TYW1B: variants seen among roughly 807,000 people sequenced by gnomAD.
TYW1B encodes the protein tRNA-yW synthesizing protein 1 homolog B.
TYW1B carries 73 observed loss-of-function variants against 86.9 expected under a neutral mutation model. The observed-to-expected ratio is 0.84, with a 90% CI of 0.70 to 1.02. The LOEUF (loss-of-function observed/expected upper bound fraction) is 1.02. Among genes scored for constraint, TYW1B ranks in the 50% least tolerant of loss-of-function variants. The pLI, the probability that TYW1B is intolerant of heterozygous loss-of-function variation, is 0.00. For missense variants in TYW1B, 637 were observed against 827.4 expected, an observed-to-expected ratio of 0.77 and a Z score of 2.82; for synonymous variants, 248 against 292.8, an observed-to-expected ratio of 0.85 and a Z score of 1.56.
At chr7:72,691,616 A>G (rs1354060248) in intron 11 of TYW1B, among the ~76,000 whole-genome samples, 2 of 152,138 alleles carry the variant, frequency 1.3e-5, no homozygotes, top group Non-Finnish European at 2.9e-5. Flanking sequence ...TCCATACTCA[A>G]AGAACACAGC....
intron 10 of TYW1B, among the ~76,000 whole-genome samples, chr7:72,710,555 G>A (rs1786633270): frequency 6.6e-6 from 1 of 152,148 alleles, no homozygotes; most frequent in South Asian, 2.1e-4. Flanking sequence ...CCTGGGCTCG[G>A]TGGCTCACGC....
rs181417289 is a variant in TYW1B at position 72,710,109 on chromosome 7, A to G, written c.1370+3512T>C. On this transcript the variant is annotated intron_variant, in intron 10 of 13. Coordinates refer to ENST00000620995, the MANE Select transcript of TYW1B (RefSeq NM_001145440.3). ...ATATCATACTCTATAATTTTCCTCAATCCATGATGGCATTCCCAGACAATT... is the reference window on the plus strand; with the variant it reads ...ATATCATACTCTATAATTTTCCTCAGTCCATGATGGCATTCCCAGACAATT... Among the ~76,000 whole-genome samples the G allele has an allele frequency of 2.2e-3, 330 of 152,290 alleles. 1 individual carries two copies. The highest frequency in any genetic ancestry group is 7.7e-3 in the African/African-American group (322 of 41,562).
In TYW1B at chr7:72,758,452, AT is replaced by A. The variant is rs1420070389; in HGVS notation, c.965-13852del. The stretch of plus-strand genomic sequence containing the variant: ...AACATTTTTTTCTCTTAGAAAAAAC[AT>A]TTTTTTCTCTTAGAAAAAAATTTTT... On this transcript the variant is annotated intron_variant, in intron 7 of 13. Transcript: ENST00000620995. Among the ~76,000 whole-genome samples, 234 of 150,114 alleles carry A rather than the reference AT, an allele frequency of 1.6e-3. 3 individuals are homozygous for A. The highest frequency in any genetic ancestry group is 6.4e-4 in the East Asian group (3 of 4,720).
At chr7:72,689,612 GA>G (rs1814092003) in intron 11 of TYW1B, among the ~76,000 whole-genome samples, 1 of 152,060 alleles carries the variant, frequency 6.6e-6, no homozygotes, top group Non-Finnish European at 1.5e-5. Flanking sequence ...TCTTTAACAT[GA>G]CAGTCATAGA....
chr7:72,774,626 T>C (rs797034751), intron 7 of TYW1B, among the ~76,000 whole-genome samples: 12 of 152,064 alleles, frequency 7.9e-5, no homozygotes, highest in African/African-American at 2.7e-4. Flanking sequence ...GGCAGGTGAA[T>C]TACTTGAGGC....
chr7:72,593,820 TAAAAAAAA>T (rs59821679), intron 13 of TYW1B, among the ~76,000 whole-genome samples: 1 of 43,674 alleles, frequency 2.3e-5, no homozygotes, highest in Non-Finnish European at 4.0e-5. Flanking sequence ...AGACTCCATC[TAAAAAAAA>T]AAAAAAAAAA....
At chr7:72,703,020 A>ATTT (rs1814520770) in intron 10 of TYW1B, among the ~76,000 whole-genome samples, 3 of 10,158 alleles carry the variant, frequency 3.0e-4, no homozygotes, top group African/African-American at 1.2e-3. Flanking sequence ...ATATATATAT[A>ATTT]TATATATTTT....
At chr7:72,637,209 T>A (rs1303260782) in intron 11 of TYW1B, among the ~76,000 whole-genome samples, 5 of 152,132 alleles carry the variant, frequency 3.3e-5, no homozygotes, top group Non-Finnish European at 7.4e-5. Flanking sequence ...TTGGTGTTAG[T>A]TCTCCTGATG....
At chr7:72,651,286 G>A (rs1478930683) in intron 11 of TYW1B, among the ~76,000 whole-genome samples, 3 of 152,176 alleles carry the variant, frequency 2.0e-5, no homozygotes, top group African/African-American at 2.4e-5. Flanking sequence ...TCCACTTGGG[G>A]AGGGTGAAAT....
chr7:72,787,116 A>G (rs1788142313), intron 6 of TYW1B, among the ~76,000 whole-genome samples: 1 of 152,052 alleles, frequency 6.6e-6, no homozygotes, highest in Non-Finnish European at 1.5e-5. Context: ...TAATTATAAG[A>G]GCAGAAAACT....
At chr7:72,642,125 G>GA (rs1286304417) in intron 11 of TYW1B, among the ~76,000 whole-genome samples, 1 of 152,116 alleles carries the variant, frequency 6.6e-6, no homozygotes, top group Non-Finnish European at 1.5e-5. Flanking sequence ...ATTCAATGGG[G>GA]AAAAAATAGT....
In TYW1B at chr7:72,774,864, T is replaced by A. The variant is rs56004000; in HGVS notation, c.964+2552A>T. On this transcript the variant is annotated intron_variant, in intron 7 of 13. Transcript: ENST00000620995. ...TGATGAATGAGGGAAAAAAATCCAT[T>A]GATCCAAGCTGATCCAAAAATGACA... Among the ~76,000 whole-genome samples the A allele has an allele frequency of 2.5e-3, 380 of 152,062 alleles. 3 individuals are homozygous for A. Among genetic ancestry groups the A allele is most frequent in the Non-Finnish European group, 4.2e-3 (284 of 68,006 alleles).
intron 2 of TYW1B, among the ~76,000 whole-genome samples, chr7:72,817,964 A>C (rs1340315292): frequency 6.6e-6 from 1 of 151,932 alleles, no homozygotes; most frequent in Admixed American, 6.6e-5. Context: ...AATTCAAGGA[A>C]GTCAGCCACA....
At chr7:72,626,224 C>T (rs1177053127) in intron 12 of TYW1B, among the ~76,000 whole-genome samples, 1 of 150,514 alleles carries the variant, frequency 6.6e-6, no homozygotes, top group Non-Finnish European at 1.5e-5. Context: ...TCCCACCTCC[C>T]CACCCCTCTA....
intron 10 of TYW1B, among the ~76,000 whole-genome samples, chr7:72,711,730 G>A (rs545373290): frequency 2.6e-5 from 4 of 151,732 alleles, no homozygotes; most frequent in South Asian, 2.1e-4. Flanking sequence ...CTGGTGATCC[G>A]CCCGTCTCAG....
chr7:72,710,224 T>G (rs34528855), intron 10 of TYW1B, among the ~76,000 whole-genome samples: 84 of 152,306 alleles, frequency 5.5e-4, no homozygotes, highest in African/African-American at 2.0e-3. Context: ...CCATTCTTTT[T>G]GGGGATATAT....
intron 12 of TYW1B, among the ~76,000 whole-genome samples, chr7:72,624,311 G>C (rs782042702): frequency 7.2e-5 from 11 of 152,130 alleles, no homozygotes; most frequent in South Asian, 2.1e-4. Context: ...ATTACAAAAA[G>C]TAAAATTAAT....
chr7:72,720,953 G>C (rs1786887823), intron 9 of TYW1B, among the ~76,000 whole-genome samples: 2 of 132,476 alleles, frequency 1.5e-5, no homozygotes, highest in South Asian at 4.6e-4. Context: ...CTATGTCTAA[G>C]TGTTCTCATT....
At position 72,662,473 on chromosome 7, in the gene TYW1B, AGAT is replaced by A. The variant is rs1241296980; in HGVS notation, c.1506+32211_1506+32213del. 1.6e-4 allele frequency among the ~76,000 whole-genome samples: 25 copies of A among 152,032 alleles called. No individual in the cohort carries two copies. The East Asian group carries it at 4.6e-3, about 28-fold the overall frequency. On this transcript the variant is annotated intron_variant, in intron 11 of 13. Transcript: ENST00000620995. ...TAGATAGATAGATAGATAGATAGATAGATAAATTTTTTTCCTTTTTTCACAAGC... is the reference window on the plus strand; with the variant it reads ...TAGATAGATAGATAGATAGATAGATAAAATTTTTTTCCTTTTTTCACAAGC...
Sources: allele counts gnomAD v4.1 joint callset (sites outside exome capture counted in the v4.1 genomes callset), GRCh38; gene constraint gnomAD v4.1.1; transcripts MANE v1.5; gene names NCBI Gene and HGNC (gene_info 2026-07-23, HGNC 2026-07-21).